PCDHGA6: variants seen among roughly 807,000 people sequenced by gnomAD.
The protein encoded by PCDHGA6 is protocadherin gamma subfamily A, 6, also known as protocadherin gamma-A6.
A neutral mutation model predicts 60.6 loss-of-function variants in PCDHGA6; 41 were observed. The observed-to-expected ratio is 0.68, with a 90% CI of 0.53 to 0.88. The LOEUF is 0.88. PCDHGA6 is among the 40% of genes least tolerant of loss of function. The pLI is 0.00. For synonymous variants in PCDHGA6, 594 were observed against 524.4 expected, an observed-to-expected ratio of 1.13 and a Z score of -1.81; for missense variants, 1,312 against 1,203.0, an observed-to-expected ratio of 1.09 and a Z score of -1.34.
Position 141,407,403 on chromosome 5 carries a change from A to G in PCDHGA6, c.2424+30896A>G, listed in dbSNP as rs964260933. 2.0e-5 allele frequency among the ~76,000 whole-genome samples: 3 copies of G among 152,220 alleles called. No individual in the cohort carries two copies. In the East Asian group the frequency reaches 5.8e-4, roughly 29 times the overall value. Reference sequence around the variant, plus strand: ...TTGTATGTCATGGTAGGTAGTTACTATTCGATACCACAAAAATGTCTCTTG... The same window carrying G: ...TTGTATGTCATGGTAGGTAGTTACTGTTCGATACCACAAAAATGTCTCTTG... On this transcript the variant is annotated intron_variant, in intron 1 of 3. Transcript: ENST00000517434.
chr5:141,485,745 T>C lies in PCDHGA6; in HGVS notation c.2425-9062T>C. 3 of 1,614,146 alleles carry C rather than the reference T, an allele frequency of 1.9e-6. No individual in the cohort carries two copies. Among genetic ancestry groups the C allele is most frequent in the Non-Finnish European group, 2.5e-6 (3 of 1,179,986 alleles). ...AAGAAGCGCAGCGACGGCAGCCTGGTCCCAGAGCTGCTCCTGGAGAAGCCT... is the reference window on the plus strand; with the variant it reads ...AAGAAGCGCAGCGACGGCAGCCTGGCCCCAGAGCTGCTCCTGGAGAAGCCT... On this transcript the variant is annotated intron_variant, in intron 1 of 3. Transcript: ENST00000517434. This position sits in a 1 kb window ranked among gnomAD's most constrained non-coding sequence, Gnocchi z 5.7.
chr5:141,375,364 A>T lies in PCDHGA6; in HGVS notation c.1281A>T (p.Lys427Asn), dbSNP rs771379372. The change falls in exon 1 of 4, where the codon AAA becomes AAT. Residue 427 changes from lysine to asparagine, a missense_variant. Lys to Asn is a moderately conservative substitution (Grantham distance 94). Coordinates refer to ENST00000517434, the MANE Select transcript of PCDHGA6 (RefSeq NM_018919.3). ...ACATCACTGTGACAGCCACGGACAAAGGAACACCACCTCTGTCTACAGAAA... is the reference window on the plus strand; with the variant it reads ...ACATCACTGTGACAGCCACGGACAATGGAACACCACCTCTGTCTACAGAAA... Reference protein sequence around the residue: ...LYNITVTATDKGTPPLSTETI... With the variant: ...LYNITVTATDNGTPPLSTETI... 1 of 1,613,786 alleles carries T rather than the reference A, an allele frequency of 6.2e-7. No individual in the cohort carries two copies. Among genetic ancestry groups the T allele is most frequent in the African/African-American group, 1.3e-5 (1 of 74,926 alleles).
At chr5:141,415,122 C>T (rs552568826) in intron 1 of PCDHGA6, 34 of 1,613,668 alleles carry the variant, frequency 2.1e-5, no homozygotes, top group Admixed American at 6.7e-5. Flanking sequence ...TCGTAGTGGC[C>T]GTCCAGGACC....
rs754140602 is a variant in PCDHGA6 at position 141,410,043 on chromosome 5, C to G, written c.2424+33536C>G. Reference sequence around the variant, plus strand: ...TACCACGTGCTGCAGGCCAGTGAGCCCGGACTCTTCAGCCTGGGGCTGCGC... The same window carrying G: ...TACCACGTGCTGCAGGCCAGTGAGCGCGGACTCTTCAGCCTGGGGCTGCGC... On this transcript the variant is annotated intron_variant, in intron 1 of 3. Transcript: ENST00000517434. 13 of 1,613,080 alleles carry G rather than the reference C, an allele frequency of 8.1e-6. No homozygotes were observed. The South Asian group carries it at 1.2e-4, about 15-fold the overall frequency.
chr5:141,448,449 T>A (rs528049717), intron 1 of PCDHGA6, among the ~76,000 whole-genome samples: 1 of 152,166 alleles, frequency 6.6e-6, no homozygotes, highest in Non-Finnish European at 1.5e-5. Context: ...CTGACTTCCA[T>A]CCCTATCCTA....
At chr5:141,377,627 T>A (rs893549240) in intron 1 of PCDHGA6, 5 of 152,084 alleles carry the variant, frequency 3.3e-5, no homozygotes, top group African/African-American at 9.7e-5. Context: ...AAGATTTTGT[T>A]TTTTCTCAGT....
intron 1 of PCDHGA6, chr5:141,415,772 T>TTC: frequency 7.5e-7 from 1 of 1,332,986 alleles, no homozygotes; most frequent in Non-Finnish European, 9.6e-7. Flanking sequence ...TTTTTTTTTT[T>TTC]ACTTTCTGGT....
rs778054090 is a variant in PCDHGA6 at position 141,505,509 on chromosome 5, G to C, written c.2572+28G>C. On this transcript the variant is annotated intron_variant, in intron 3 of 3. Coordinates refer to ENST00000517434, the MANE Select transcript of PCDHGA6 (RefSeq NM_018919.3). ...AAGTGGTGTCAGTGTGTGTATGGAA[G>C]AGTGGGAGACCTGGGGTTCTGGGGT... The C allele has an allele frequency of 3.7e-6, 6 of 1,614,058 alleles. No homozygotes were observed. The East Asian group carries it at 1.1e-4, about 30-fold the overall frequency.
chr5:141,473,887 C>T (rs887871337), intron 1 of PCDHGA6, among the ~76,000 whole-genome samples: 3 of 152,144 alleles, frequency 2.0e-5, no homozygotes, highest in Non-Finnish European at 2.9e-5. Context: ...CACAAGGGTT[C>T]TGTTGGTTCA....
At chr5:141,447,957 A>T (rs1460497437) in intron 1 of PCDHGA6, among the ~76,000 whole-genome samples, 3 of 151,910 alleles carry the variant, frequency 2.0e-5, no homozygotes, top group African/African-American at 7.3e-5. Context: ...ATGGTGGCGG[A>T]CACCTATAAT....
intron 1 of PCDHGA6, among the ~76,000 whole-genome samples, chr5:141,444,703 T>A (rs963617867): frequency 6.6e-6 from 1 of 152,248 alleles, no homozygotes; most frequent in Non-Finnish European, 1.5e-5. Context: ...TTCCTCTTTC[T>A]GTTGAATTTG....
chr5:141,390,002 T>A (rs1263938438), intron 1 of PCDHGA6: 1 of 1,614,038 alleles, frequency 6.2e-7, no homozygotes, highest in East Asian at 2.2e-5. Context: ...TGGCCATGAT[T>A]CTGGCCATTG....
intron 1 of PCDHGA6, chr5:141,408,609 A>G (rs765291231): frequency 1.2e-5 from 19 of 1,613,970 alleles, no homozygotes; most frequent in Non-Finnish European, 3.4e-6. Flanking sequence ...TTTGATAAAA[A>G]GGAAATACAT....
chr5:141,511,711 T>G lies in PCDHGA6; in HGVS notation c.*538T>G. 1 of 185,916 alleles carries G rather than the reference T, an allele frequency of 5.4e-6. No individual in the cohort carries two copies. Among genetic ancestry groups the G allele is most frequent in the South Asian group, 1.1e-4 (1 of 8,818 alleles). The allele number at this position is 185,916 out of a possible 1,614,324, so 11.5% of individuals were successfully genotyped here. A position where few individuals can be genotyped will look rare whatever the true frequency, so the allele number is the denominator to read the frequency against. Reference sequence around the variant, plus strand: ...GTTTGGTGCCAGCCCCTTCACCTCCTTCCAGAGCCCAAGATCAATGCTCAA... The same window carrying G: ...GTTTGGTGCCAGCCCCTTCACCTCCGTCCAGAGCCCAAGATCAATGCTCAA... On this transcript the variant is annotated 3_prime_UTR_variant, in exon 4 of 4. Transcript: ENST00000517434.
At chr5:141,505,296 G>A (rs1174492966) in intron 2 of PCDHGA6, 97 bp from the exon 3 acceptor site, 1 of 1,584,850 alleles carries the variant, frequency 6.3e-7, no homozygotes, top group Non-Finnish European at 8.6e-7. Context: ...ATGGGGTAGG[G>A]TTAGGGTACT....
chr5:141,432,521 G>A lies in PCDHGA6; in HGVS notation c.2424+56014G>A. The stretch of plus-strand genomic sequence containing the variant: ...CCGCTCCGCAGAGCCCGGCTACCTG[G>A]TGACCAAGGTGGTGGCGGTGGACAG... On this transcript the variant is annotated intron_variant, in intron 1 of 3. Coordinates refer to ENST00000517434, the MANE Select transcript of PCDHGA6 (RefSeq NM_018919.3). The surrounding 1 kb of genome is among the most constrained non-coding windows in gnomAD (Gnocchi z 6.0). The A allele has an allele frequency of 6.2e-7, 1 of 1,614,112 alleles. No homozygotes were observed. Among genetic ancestry groups the A allele is most frequent in the Non-Finnish European group, 8.5e-7 (1 of 1,180,028 alleles).
chr5:141,382,757 C>T, intron 1 of PCDHGA6: 2 of 657,638 alleles, frequency 3.0e-6, no homozygotes, highest in East Asian at 2.7e-5. Flanking sequence ...GCGATAAGCC[C>T]TCTTCCAGGC....
chr5:141,478,038 G>A lies in PCDHGA6; in HGVS notation c.2425-16769G>A, dbSNP rs1401384720. ...CCAGTCCAAGACACAGATTCACCCA[G>A]GCAGACTCTCACGGTCTTGATCAAA... On this transcript the variant is annotated intron_variant, in intron 1 of 3. Transcript: ENST00000517434. 8 of 1,614,006 alleles carry A rather than the reference G, an allele frequency of 5.0e-6. No homozygotes were observed. In the African/African-American group the frequency reaches 1.1e-4, roughly 22 times the overall value.
chr5:141,422,253 T>C (rs917280432), intron 1 of PCDHGA6: 58 of 1,566,438 alleles, frequency 3.7e-5, no homozygotes, highest in Non-Finnish European at 5.0e-5. Context: ...TGGATGTGAA[T>C]GATAACGCTC....
Sources: gnomAD v4.1 joint callset for allele counts (sites outside exome capture counted in the v4.1 genomes callset) on GRCh38, gnomAD v4.1.1 for gene constraint, Gnocchi (gnomAD v3.1) non-coding constraint, MANE v1.5 for transcripts, NCBI Gene and HGNC (gene_info 2026-07-23, HGNC 2026-07-21) for gene names.